SPTLC2: variants seen among roughly 807,000 people sequenced by gnomAD.
SPTLC2 encodes the protein serine palmitoyltransferase 2.
Under a neutral mutation model 62.0 loss-of-function variants are expected in SPTLC2, and 21 were observed. The ratio of observed to expected loss-of-function variants is 0.34; its 90% CI spans 0.24 to 0.49. The LOEUF is 0.49. Ranked by LOEUF, SPTLC2 falls within the 20% of genes least tolerant of loss-of-function variation. SPTLC2 has a pLI of 0.99. For synonymous variants in SPTLC2, 261 were observed against 261.8 expected, an observed-to-expected ratio of 1.00 and a Z score of 0.03; for missense variants, 511 against 713.0, an observed-to-expected ratio of 0.72 and a Z score of 3.23.
At chr14:77,535,305 G>A (rs867462946) in intron 9 of SPTLC2, among the ~76,000 whole-genome samples, 17 of 152,322 alleles carry the variant, frequency 1.1e-4, no homozygotes, top group Admixed American at 5.9e-4. Flanking sequence ...GGAACAGCGA[G>A]TGAGGGGAAG....
At chr14:77,594,402 T>A (rs1185530302) in intron 2 of SPTLC2, among the ~76,000 whole-genome samples, 2 of 152,220 alleles carry the variant, frequency 1.3e-5, no homozygotes, top group Non-Finnish European at 2.9e-5. Context: ...ATACATCTTG[T>A]TGGTTTCATT....
At chr14:77,533,213 T>C (rs963893926) in intron 9 of SPTLC2, among the ~76,000 whole-genome samples, 4 of 151,186 alleles carry the variant, frequency 2.6e-5, no homozygotes, top group Non-Finnish European at 4.4e-5. Flanking sequence ...GTCAGAAGAA[T>C]TGCTTGAACC....
At chr14:77,591,208 G>A (rs532351851) in intron 2 of SPTLC2, among the ~76,000 whole-genome samples, 8 of 152,332 alleles carry the variant, frequency 5.3e-5, no homozygotes, top group African/African-American at 1.9e-4. Flanking sequence ...AAAGGAGCCA[G>A]ACACAGAAGA....
rs1441888674 is a variant in SPTLC2 at position 77,616,576 on chromosome 14, G to A, written c.4C>T (p.Arg2Trp). The A allele has an allele frequency of 7.2e-6, 11 of 1,538,130 alleles. No individual in the cohort carries two copies. The highest frequency in any genetic ancestry group is 9.6e-6 in the Non-Finnish European group (11 of 1,148,082). Residue 2 changes from arginine to tryptophan, a missense_variant, in exon 1 of 12, where the codon CGG (arginine) becomes TGG (tryptophan). Physicochemically the swap from Arg to Trp is moderately radical, Grantham distance 101. Transcript: ENST00000216484. MRPEPGGCCCRR... is the reference protein window; with the variant it reads MWPEPGGCCCRR... ...CAGCAGCAGCCTCCGGGCTCCGGCC[G>A]CATCTTCCTGGCAGCACCAGGCGCA...
At chr14:77,538,306 T>C (rs1159727140) in intron 9 of SPTLC2, among the ~76,000 whole-genome samples, 2 of 152,178 alleles carry the variant, frequency 1.3e-5, no homozygotes, top group Non-Finnish European at 2.9e-5. Context: ...ACACCGTCCT[T>C]TTCTGAAAAC....
At chr14:77,591,010 T>C (rs936434558) in intron 2 of SPTLC2, among the ~76,000 whole-genome samples, 16 of 152,216 alleles carry the variant, frequency 1.1e-4, no homozygotes, top group Non-Finnish European at 2.1e-4. Flanking sequence ...TCCAAACAGA[T>C]ACAGTGGTAA....
Position 77,512,161 on chromosome 14 carries a change from A to C in SPTLC2, c.*123T>G. The C allele has an allele frequency of 7.2e-7, 1 of 1,391,352 alleles. No homozygotes were observed. Among genetic ancestry groups the C allele is most frequent in the Non-Finnish European group, 1.0e-6 (1 of 986,066 alleles). 86.2% of individuals were successfully genotyped at this position (1,391,352 alleles called of 1,614,324 possible). A position where few individuals can be genotyped will look rare whatever the true frequency, so the allele number is the denominator to read the frequency against. On this transcript the variant is annotated 3_prime_UTR_variant, in exon 12 of 12. Coordinates refer to ENST00000216484, the MANE Select transcript of SPTLC2 (RefSeq NM_004863.4). Reference sequence around the variant, plus strand: ...ATTTAGAGTGGAGGTGGCCACCTTCAGTAGCTGAGGCAATGTCTTTCACGT... The same window carrying C: ...ATTTAGAGTGGAGGTGGCCACCTTCCGTAGCTGAGGCAATGTCTTTCACGT...
At chr14:77,612,029 CT>C (rs1566795722) in intron 1 of SPTLC2, among the ~76,000 whole-genome samples, 1 of 152,148 alleles carries the variant, frequency 6.6e-6, no homozygotes, top group Non-Finnish European at 1.5e-5. Context: ...AAAGGACTTA[CT>C]TTTTTATCGG....
At chr14:77,608,347 T>C (rs1280670783) in intron 1 of SPTLC2, among the ~76,000 whole-genome samples, 1 of 152,204 alleles carries the variant, frequency 6.6e-6, no homozygotes, top group Non-Finnish European at 1.5e-5. Context: ...TTTAGGGAGC[T>C]AGTTTTTGTC....
rs1555373703 is a variant in SPTLC2, at chr14:77,529,620, C to CTTTCTTTTTTTTTTTTTTTTTT, written c.1304-8040_1304-8039insAAAAAAAAAAAAAAAAAAGAAA. Among the ~76,000 whole-genome samples, 39 of 76,056 alleles carry CTTTCTTTTTTTTTTTTTTTTTT rather than the reference C, an allele frequency of 5.1e-4. 4 individuals carry two copies. The highest frequency in any genetic ancestry group is 1.2e-3 in the South Asian group (2 of 1,722). The allele number at this position is 76,056 out of a possible 152,430, so 49.9% of individuals were successfully genotyped here. On this transcript the variant is annotated intron_variant, in intron 9 of 11. Transcript: ENST00000216484. ...TTCTAGGAAAGCAATTTCTTTCTTT[C>CTTTCTTTTTTTTTTTTTTTTTT]TTTTTTTTTTTTTTTTTTTTTTGAG...
chr14:77,584,721 A>G (rs940712055), intron 2 of SPTLC2, among the ~76,000 whole-genome samples: 3 of 152,164 alleles, frequency 2.0e-5, no homozygotes, highest in Admixed American at 6.5e-5. Flanking sequence ...CCACTGTGCT[A>G]TTGTCCTTCC....
At chr14:77,562,882 G>A (rs1370000276) in intron 5 of SPTLC2, among the ~76,000 whole-genome samples, 1 of 152,108 alleles carries the variant, frequency 6.6e-6, no homozygotes, top group Non-Finnish European at 1.5e-5. Flanking sequence ...CAGCTGATGG[G>A]GTCATGTCTG....
intron 6 of SPTLC2, chr14:77,557,466 C>T (rs1024735180): frequency 2.6e-5 from 9 of 352,604 alleles, no homozygotes; most frequent in Non-Finnish European, 4.8e-5. Flanking sequence ...GTGTGTTTAT[C>T]GAAAAATACA....
At chr14:77,599,858 G>T (rs76298490) in intron 1 of SPTLC2, among the ~76,000 whole-genome samples, 5,254 of 152,166 alleles carry the variant, frequency 0.035, 298 homozygotes, top group African/African-American at 0.12. Flanking sequence ...CAATTTAAAA[G>T]ACAAGAAAAA....
At chr14:77,607,107 A>C (rs2079909629) in intron 1 of SPTLC2, among the ~76,000 whole-genome samples, 1 of 152,232 alleles carries the variant, frequency 6.6e-6, no homozygotes. Flanking sequence ...AAATGGATGT[A>C]AATATAAAAG....
chr14:77,595,290 G>A (rs567301373), intron 2 of SPTLC2, among the ~76,000 whole-genome samples: 2 of 150,610 alleles, frequency 1.3e-5, no homozygotes, highest in Non-Finnish European at 1.5e-5. Flanking sequence ...GCTTGGACCC[G>A]GGAGGCGGAG....
intron 4 of SPTLC2, among the ~76,000 whole-genome samples, chr14:77,573,629 TG>T (rs2079696941): frequency 6.6e-6 from 1 of 152,156 alleles, no homozygotes; most frequent in Non-Finnish European, 1.5e-5. Flanking sequence ...AAGACAATGC[TG>T]TTTTTTTGTT....
chr14:77,511,691 T>G lies in SPTLC2; in HGVS notation c.*593A>C, dbSNP rs1803629468. The G allele has an allele frequency of 6.1e-6, 1 of 162,782 alleles. No homozygotes were observed. Among genetic ancestry groups the G allele is most frequent in the African/African-American group, 2.4e-5 (1 of 41,524 alleles). The allele number at this position is 162,782 out of a possible 1,614,324, so 10.1% of individuals were successfully genotyped here. A position where few individuals can be genotyped will look rare whatever the true frequency, so the allele number is the denominator to read the frequency against. ...GAATAAGACCAAACCCTTGGGAGATTACACAATGAGCCTTTCAGCAGTCAT... is the reference window on the plus strand; with the variant it reads ...GAATAAGACCAAACCCTTGGGAGATGACACAATGAGCCTTTCAGCAGTCAT... On this transcript the variant is annotated 3_prime_UTR_variant, in exon 12 of 12. Transcript: ENST00000216484.
At chr14:77,552,341 T>A in intron 8 of SPTLC2, 119 bp from the exon 9 acceptor site, 1 of 1,194,564 alleles carries the variant, frequency 8.4e-7, no homozygotes. Context: ...ATAGGGACAC[T>A]AATCTGAGAT....
Sources: allele counts gnomAD v4.1 joint callset (sites outside exome capture counted in the v4.1 genomes callset), GRCh38; gene constraint gnomAD v4.1.1; transcripts MANE v1.5; gene names NCBI Gene and HGNC (gene_info 2026-07-23, HGNC 2026-07-21).